Variants in C16orf96 observed in about 807,000 individuals in gnomAD.
C16orf96 encodes uncharacterized protein C16orf96.
In C16orf96, 108 loss-of-function variants were observed where a neutral mutation model predicts 103.6. The observed-to-expected ratio is 1.04, with a 90% CI of 0.89 to 1.22. The LOEUF is 1.22. Ranked by LOEUF, C16orf96 falls within the 50% of genes most tolerant of loss-of-function variation. The pLI is 0.00. For synonymous variants in C16orf96, 566 were observed against 593.5 expected (o/e 0.95, Z 0.67); for missense variants, 1,586 against 1,464.2 (o/e 1.08, Z -1.36).
At chr16:4,565,574 C>T (rs940451924) in intron 1 of C16orf96, among the ~76,000 whole-genome samples, 1 of 152,196 alleles carries the variant, frequency 6.6e-6, no homozygotes, top group Non-Finnish European at 1.5e-5. Context: ...CTGCAACCTC[C>T]ACCTCCTGGG....
chr16:4,541,245 G>C, the C16orf96 span, among the ~76,000 whole-genome samples: 1 of 152,220 alleles, frequency 6.6e-6, no homozygotes, highest in African/African-American at 2.4e-5. Context: ...TAAAGCCCTT[G>C]AAGAGTTTTA....
At chr16:4,547,801 C>CCCTT in the C16orf96 span, among the ~76,000 whole-genome samples, 2 of 141,166 alleles carry the variant, frequency 1.4e-5, no homozygotes, top group Non-Finnish European at 3.1e-5. Flanking sequence ...CTCCCTCCCT[C>CCCTT]CCTTCCTTCC....
chr16:4,555,269 T>TACAC (rs71139639), upstream of C16orf96, among the ~76,000 whole-genome samples: 884 of 145,662 alleles, frequency 6.1e-3, 7 homozygotes, highest in African/African-American at 0.021. Flanking sequence ...TCACACACAC[T>TACAC]ACACACACAC....
chr16:4,542,493 G>C, the C16orf96 span, among the ~76,000 whole-genome samples: 1 of 152,128 alleles, frequency 6.6e-6, no homozygotes, highest in African/African-American at 2.4e-5. Flanking sequence ...TATTGTTTCA[G>C]TAATCAACAT....
upstream of C16orf96, among the ~76,000 whole-genome samples, chr16:4,554,634 G>A (rs2059246756): frequency 6.6e-6 from 1 of 151,126 alleles, no homozygotes; most frequent in Admixed American, 6.6e-5. Flanking sequence ...AATTACAGGC[G>A]TGAGCCACCG....
At chr16:4,587,215 C>G (rs184715559) in intron 8 of C16orf96, 102 bp downstream of exon 8, 63 of 1,147,748 alleles carry the variant, frequency 5.5e-5, no homozygotes, top group Admixed American at 2.7e-4. Context: ...TTTCCCTCCC[C>G]CTTTGTTCAT....
Position 4,600,351 on chromosome 16 carries a change from C to A in C16orf96, c.*34C>A. 1 of 1,455,180 alleles carries A rather than the reference C, an allele frequency of 6.9e-7. No individual in the cohort carries two copies. Among genetic ancestry groups the A allele is most frequent in the Non-Finnish European group, 9.4e-7 (1 of 1,067,572 alleles). 90.1% of individuals were successfully genotyped at this position (1,455,180 alleles called of 1,614,324 possible). ...CCGCTGCGCCCCCCATCGCCAAGTCCCCTCCACGTCCGAGGCTGAGGCCCA... is the reference window on the plus strand; with the variant it reads ...CCGCTGCGCCCCCCATCGCCAAGTCACCTCCACGTCCGAGGCTGAGGCCCA... On this transcript the variant is annotated 3_prime_UTR_variant, in exon 16 of 16. Coordinates refer to ENST00000444310, the MANE Select transcript of C16orf96 (RefSeq NM_001145011.2).
chr16:4,551,758 TTC>T (rs2059229476), upstream of C16orf96, among the ~76,000 whole-genome samples: 2 of 152,134 alleles, frequency 1.3e-5, no homozygotes, highest in Non-Finnish European at 2.9e-5. Flanking sequence ...GGCCATTTGT[TTC>T]TTTTTAAATT....
At position 4,593,404 on chromosome 16, in the gene C16orf96, C is replaced by T; in HGVS notation, c.2867+88C>T. 7.9e-7 allele frequency: 1 copy of T among 1,264,784 alleles called. No homozygotes were observed. The highest frequency in any genetic ancestry group is 1.3e-5 in the South Asian group (1 of 77,206). 78.3% of individuals were successfully genotyped at this position (1,264,784 alleles called of 1,614,324 possible). A position where few individuals can be genotyped will look rare whatever the true frequency, so the allele number is the denominator to read the frequency against. On this transcript the variant is annotated intron_variant, in intron 12 of 15. Coordinates refer to ENST00000444310, the MANE Select transcript of C16orf96 (RefSeq NM_001145011.2). This position sits in a 1 kb window ranked among gnomAD's most constrained non-coding sequence, Gnocchi z 4.2. The stretch of plus-strand genomic sequence containing the variant: ...AACCCTGTTCCTGCAGAGACACATC[C>T]TCCAGGCCCAGGGACCTAAGATTGT...
chr16:4,545,890 C>A, the C16orf96 span, among the ~76,000 whole-genome samples: 1 of 152,114 alleles, frequency 6.6e-6, no homozygotes, highest in Non-Finnish European at 1.5e-5. Flanking sequence ...CGCTCTGTTG[C>A]CCAGGCTGGA....
chr16:4,563,188 A>C (rs1596515675), intron 1 of C16orf96: 2 of 689,682 alleles, frequency 2.9e-6, no homozygotes, highest in Admixed American at 3.9e-5. Context: ...CCTTTGCTTT[A>C]GGCATCGCTT....
chr16:4,543,010 C>T, the C16orf96 span, among the ~76,000 whole-genome samples: 1 of 152,056 alleles, frequency 6.6e-6, no homozygotes, highest in African/African-American at 2.4e-5. Context: ...TGTTCTAGGC[C>T]TGGAAATACA....
At chr16:4,565,531 C>T (rs2059378034) in intron 1 of C16orf96, among the ~76,000 whole-genome samples, 2 of 152,230 alleles carry the variant, frequency 1.3e-5, no homozygotes, top group Non-Finnish European at 2.9e-5. Context: ...CTCTGGCGCC[C>T]AGGCTGGAGT....
At chr16:4,557,018 G>A (rs560552627) in intron 1 of C16orf96, 109 bp downstream of exon 1, 155 of 1,256,658 alleles carry the variant, frequency 1.2e-4, no homozygotes, top group Middle Eastern at 5.8e-4. Context: ...CACCCAGGCT[G>A]GAGTGCAGTG....
At position 4,599,305 on chromosome 16, in the gene C16orf96, CG is replaced by C. The variant is rs1897237299; in HGVS notation, c.3150del (p.Ser1051HisfsTer36). ...TAAGCTGTGAAGGCTCCATCTCCCC[CG>C]TCACAAAGCCTGTATGACCGTGTGC... ...ELAAVKAPSP[P>X]SQSLYDRVHS... On this transcript the variant is annotated frameshift_variant, in exon 15 of 16. Coordinates refer to ENST00000444310, the MANE Select transcript of C16orf96 (RefSeq NM_001145011.2). LOFTEE classifies it high-confidence loss of function. The C allele has an allele frequency of 6.4e-6, 10 of 1,551,618 alleles. No individual in the cohort carries two copies. The highest frequency in any genetic ancestry group is 8.7e-6 in the Non-Finnish European group (10 of 1,146,946).
rs1897077453 is a variant in C16orf96, at chr16:4,592,307, A to T, written c.2714A>T (p.Lys905Met). 1 of 1,551,530 alleles carries T rather than the reference A, an allele frequency of 6.4e-7. No individual in the cohort carries two copies. The highest frequency in any genetic ancestry group is 8.7e-7 in the Non-Finnish European group (1 of 1,146,982). The change falls in exon 11 of 16, where the codon AAG becomes ATG. Residue 905 changes from lysine to methionine, a missense_variant and splice_region_variant. Physicochemically the swap from Lys to Met is moderately conservative, Grantham distance 95. Transcript: ENST00000444310. ...DPDSAAGFRR[K>M]LFKRVKCISC... Reference sequence around the variant, plus strand: ...GCTGATGATCATGTGCCTTTCAGGAAGCTGTTCAAGCGCGTGAAGTGCATC... The same window carrying T: ...GCTGATGATCATGTGCCTTTCAGGATGCTGTTCAAGCGCGTGAAGTGCATC...
chr16:4,551,178 G>C, the C16orf96 span, among the ~76,000 whole-genome samples: 2 of 152,210 alleles, frequency 1.3e-5, no homozygotes, highest in Non-Finnish European at 2.9e-5. Flanking sequence ...GGGTGAGGCA[G>C]AAGGATTGCT....
chr16:4,540,239 C>T, the C16orf96 span, among the ~76,000 whole-genome samples: 131 of 152,288 alleles, frequency 8.6e-4, no homozygotes, highest in African/African-American at 2.8e-3. Flanking sequence ...AACAGAGTTA[C>T]GGGGTGGTGC....
the C16orf96 span, among the ~76,000 whole-genome samples, chr16:4,549,319 A>G: frequency 6.6e-6 from 1 of 151,956 alleles, no homozygotes; most frequent in Non-Finnish European, 1.5e-5. Flanking sequence ...CTAAAAATAG[A>G]AAAATTAGCC....
Sources: allele counts gnomAD v4.1 joint callset (sites outside exome capture counted in the v4.1 genomes callset), GRCh38; gene constraint gnomAD v4.1.1; non-coding constraint Gnocchi (gnomAD v3.1); transcripts MANE v1.5; gene names NCBI Gene and HGNC (gene_info 2026-07-23, HGNC 2026-07-21).